RYR2: variants seen among roughly 807,000 people sequenced by gnomAD.
RYR2 encodes the protein cardiac muscle ryanodine receptor-calcium release channel.
A neutral mutation model predicts 601.1 loss-of-function variants in RYR2; 227 were observed. The ratio of observed to expected loss-of-function variants is 0.38; its 90% CI spans 0.34 to 0.42. The LOEUF (loss-of-function observed/expected upper bound fraction) is 0.42. RYR2 is among the 10% of genes least tolerant of loss of function. The probability of loss-of-function intolerance (pLI) is 1.00; values close to 1 mark genes in which losing one functional copy is unlikely to be tolerated. For missense variants in RYR2, 4,646 were observed against 6,156.5 expected (o/e 0.75, Z 8.21); for synonymous variants, 2,223 against 2,175.1 (o/e 1.02, Z -0.61).
At chr1:237,720,892 C>T (rs750290160) in intron 73 of RYR2, among the ~76,000 whole-genome samples, 25 of 152,014 alleles carry the variant, frequency 1.6e-4, no homozygotes, top group Non-Finnish European at 2.6e-4. Flanking sequence ...GTTTAGATGA[C>T]GTATTCAGGA....
chr1:237,626,574 C>CTTTTTCTTTTTTTTTTT (rs1679682848), intron 40 of RYR2, among the ~76,000 whole-genome samples: 1 of 60,094 alleles, frequency 1.7e-5, no homozygotes, highest in Non-Finnish European at 3.7e-5. Context: ...TTTTCTTTTT[C>CTTTTTCTTTTTTTTTTT]TTTTTCTTTT....
At chr1:237,582,575 C>A (rs1008926819) in intron 29 of RYR2, among the ~76,000 whole-genome samples, 2 of 152,010 alleles carry the variant, frequency 1.3e-5, no homozygotes, top group East Asian at 3.9e-4. Flanking sequence ...CAACCCTTGT[C>A]CCCCCACCAC....
At chr1:237,084,546 G>A (rs1277869120) in intron 1 of RYR2, among the ~76,000 whole-genome samples, 1 of 152,122 alleles carries the variant, frequency 6.6e-6, no homozygotes, top group Non-Finnish European at 1.5e-5. Context: ...AGCAGAGCAA[G>A]CGTTTTGGGT....
chr1:237,795,040 T>C (rs1219159956), intron 95 of RYR2, among the ~76,000 whole-genome samples: 3 of 152,212 alleles, frequency 2.0e-5, no homozygotes, highest in African/African-American at 7.2e-5. Context: ...CTAATAAATA[T>C]GCTCATATTC....
At chr1:237,395,779 C>G (rs1369096407) in intron 10 of RYR2, among the ~76,000 whole-genome samples, 2 of 152,230 alleles carry the variant, frequency 1.3e-5, no homozygotes, top group East Asian at 3.9e-4. Flanking sequence ...ATCTCCTGAA[C>G]TCGTGATGCG....
chr1:237,273,554 G>GA (rs74421924), intron 2 of RYR2, among the ~76,000 whole-genome samples: 2 of 151,882 alleles, frequency 1.3e-5, no homozygotes, highest in South Asian at 2.1e-4. Flanking sequence ...TGGTTTTAGG[G>GA]GAGAGTGTCT....
intron 62 of RYR2, 89 bp from the exon 63 acceptor site, chr1:237,687,366 C>CTTTTTTTTTTTTTTTTTTTTTTT: frequency 3.9e-6 from 1 of 257,686 alleles, no homozygotes; most frequent in Non-Finnish European, 7.1e-6. Flanking sequence ...TTTTCTTCTT[C>CTTTTTTTTTTTTTTTTTTTTTTT]TTTTTTTTTT....
intron 100 of RYR2, among the ~76,000 whole-genome samples, chr1:237,812,894 GTTTT>G (rs34829137): frequency 3.0e-4 from 45 of 148,340 alleles, no homozygotes; most frequent in African/African-American, 1.1e-3. Context: ...AAATGTATAA[GTTTT>G]TTTTTTTTTT....
chr1:237,210,966 G>A (rs939153861), intron 1 of RYR2, among the ~76,000 whole-genome samples: 3 of 152,180 alleles, frequency 2.0e-5, no homozygotes, highest in Admixed American at 1.3e-4. Context: ...GGAGCTTAGC[G>A]AGTTAGCTGT....
intron 43 of RYR2, 37 bp from the exon 44 acceptor site, chr1:237,634,852 G>T (rs147329662): frequency 6.7e-7 from 1 of 1,496,176 alleles, no homozygotes; most frequent in Non-Finnish European, 9.2e-7. Flanking sequence ...GTTACAGCAC[G>T]ATCCAGGTTA....
chr1:237,281,753 G>C (rs1690898328), intron 2 of RYR2, among the ~76,000 whole-genome samples: 1 of 152,190 alleles, frequency 6.6e-6, no homozygotes, highest in Non-Finnish European at 1.5e-5. Flanking sequence ...AATGCTGAGG[G>C]CTTATTGCAA....
intron 17 of RYR2, among the ~76,000 whole-genome samples, chr1:237,490,678 C>G (rs79823009): frequency 0.011 from 1,602 of 152,252 alleles, 8 homozygotes; most frequent in Non-Finnish European, 0.018. Flanking sequence ...AACTCAAAAT[C>G]CTTTTGGCTG....
At position 237,795,886 on chromosome 1, in the gene RYR2, A is replaced by ATG. The variant is rs1558434259; in HGVS notation, c.13956+556_13956+557insGT. ...TATATATATATATACACATATATAT[A>ATG]TACACACATATATGGATACACACAC... On this transcript the variant is annotated intron_variant, in intron 96 of 104. Transcript: ENST00000366574. Among the ~76,000 whole-genome samples the ATG allele has an allele frequency of 5.3e-3, 786 of 147,296 alleles. 7 individuals are homozygous for ATG. The highest frequency in any genetic ancestry group is 0.019 in the African/African-American group (755 of 40,210).
At chr1:237,826,749 A>G (rs2102905831) in intron 101 of RYR2, among the ~76,000 whole-genome samples, 1 of 152,318 alleles carries the variant, frequency 6.6e-6, no homozygotes, top group Non-Finnish European at 1.5e-5. Context: ...AATACCTACT[A>G]TCTGCCCAGC....
chr1:237,326,990 G>T (rs1696234380), intron 2 of RYR2, among the ~76,000 whole-genome samples: 1 of 152,170 alleles, frequency 6.6e-6, no homozygotes, highest in Non-Finnish European at 1.5e-5. Context: ...GTTATTTGAA[G>T]AAATAGACAT....
At chr1:237,533,789 A>G (rs1420394341) in intron 25 of RYR2, among the ~76,000 whole-genome samples, 3 of 152,170 alleles carry the variant, frequency 2.0e-5, no homozygotes, top group Non-Finnish European at 2.9e-5. Context: ...TATCTTTGGT[A>G]TAAATATAGG....
chr1:237,271,141 T>C (rs1286914832), intron 2 of RYR2, among the ~76,000 whole-genome samples: 1 of 152,088 alleles, frequency 6.6e-6, no homozygotes, highest in African/African-American at 2.4e-5. Flanking sequence ...TTCCTCAAAG[T>C]GTTATCTCTT....
At chr1:237,634,764 C>T in intron 43 of RYR2, 125 bp from the exon 44 acceptor site, 1 of 628,154 alleles carries the variant, frequency 1.6e-6, no homozygotes, top group South Asian at 2.5e-5. Flanking sequence ...TAATGTAAAT[C>T]AATGTAGATT....
At chr1:237,667,798 C>A (rs1684454448) in intron 57 of RYR2, 85 bp from the exon 58 acceptor site, 2 of 998,634 alleles carry the variant, frequency 2.0e-6, no homozygotes, top group Non-Finnish European at 3.0e-6. Flanking sequence ...TGAGTTATTC[C>A]TTTACGGTAT....
Sources: allele counts gnomAD v4.1 joint callset (sites outside exome capture counted in the v4.1 genomes callset), GRCh38; gene constraint gnomAD v4.1.1; transcripts MANE v1.5; gene names NCBI Gene and HGNC (gene_info 2026-07-23, HGNC 2026-07-21).